FRYL: variants seen among roughly 807,000 people sequenced by gnomAD.
The protein encoded by FRYL is FRY like transcription coactivator, also known as protein furry homolog-like.
FRYL carries 150 observed loss-of-function variants against 351.2 expected under a neutral mutation model. The ratio of observed to expected loss-of-function variants is 0.43; its 90% CI spans 0.37 to 0.49. The LOEUF (loss-of-function observed/expected upper bound fraction) is 0.49, where lower values mean the gene tolerates loss of function less well. FRYL is among the 20% of genes least tolerant of loss of function. The pLI, the probability that FRYL is intolerant of heterozygous loss-of-function variation, is 0.00. For synonymous variants in FRYL, 1,153 were observed against 1,257.1 expected (o/e 0.92, Z 1.75); for missense variants, 3,036 against 3,619.3 (o/e 0.84, Z 4.13).
In FRYL at chr4:48,605,727, A is replaced by C. The variant is rs753427775; in HGVS notation, c.834+14T>G. On this transcript the variant is annotated intron_variant, in intron 11 of 63. Transcript: ENST00000358350. The stretch of plus-strand genomic sequence containing the variant: ...ATAACACACAAATGGTATGAAAATA[A>C]GAAAAATACTTACAGCAGCTACAGG... 6.6e-7 allele frequency: 1 copy of C among 1,524,764 alleles called. No individual in the cohort carries two copies. Among genetic ancestry groups the C allele is most frequent in the Middle Eastern group, 1.7e-4 (1 of 5,928 alleles). 94.5% of individuals were successfully genotyped at this position (1,524,764 alleles called of 1,614,324 possible). A position where few individuals can be genotyped will look rare whatever the true frequency, so the allele number is the denominator to read the frequency against.
At chr4:48,759,150 C>T (rs1174341816) in intron 1 of FRYL, among the ~76,000 whole-genome samples, 14 of 151,930 alleles carry the variant, frequency 9.2e-5, no homozygotes, top group South Asian at 4.2e-4. Flanking sequence ...TTAATGGGTG[C>T]GGCACACCAA....
intron 63 of FRYL, 112 bp from the exon 64 acceptor site, chr4:48,499,792 G>C (rs907285424): frequency 5.7e-6 from 6 of 1,059,850 alleles, no homozygotes; most frequent in African/African-American, 1.6e-5. Flanking sequence ...AACATGATCT[G>C]TTTTAATATT....
At chr4:48,767,962 A>C (rs746820550) in intron 1 of FRYL, among the ~76,000 whole-genome samples, 38 of 152,184 alleles carry the variant, frequency 2.5e-4, no homozygotes, top group Non-Finnish European at 4.7e-4. Context: ...CCTCTGATTG[A>C]TTTGGAGTCA....
Position 48,523,012 on chromosome 4 carries a change from C to T in FRYL, c.7410G>A (p.Gln2470=). The T allele has an allele frequency of 6.2e-7, 1 of 1,613,820 alleles. No homozygotes were observed. The highest frequency in any genetic ancestry group is 8.5e-7 in the Non-Finnish European group (1 of 1,179,782). ...KGDTPSLQEY[Q]CSSSTPSLNL... ...TCAGGCTGGGGGTGCTACTAGAGCA[C>T]TGGTACTCCTGGAGGGATGGAGTGT... Residue 2470 remains glutamine (Q), a synonymous_variant, in exon 54 of 64, where the codon CAG becomes CAA. Coordinates refer to ENST00000358350, the MANE Select transcript of FRYL (RefSeq NM_015030.2).
At chr4:48,500,504 G>A (rs1240190897) in intron 62 of FRYL, among the ~76,000 whole-genome samples, 4 of 152,104 alleles carry the variant, frequency 2.6e-5, no homozygotes, top group Non-Finnish European at 4.4e-5. Flanking sequence ...GATAGTAAAA[G>A]TACATTTACT....
chr4:48,770,237 G>A (rs1279915651), intron 1 of FRYL, among the ~76,000 whole-genome samples: 4 of 151,796 alleles, frequency 2.6e-5, no homozygotes, highest in Non-Finnish European at 2.9e-5. Flanking sequence ...TACTATTCTC[G>A]CAACTTCCCA....
chr4:48,559,012 C>T (rs1169095586), intron 33 of FRYL, among the ~76,000 whole-genome samples: 1 of 152,078 alleles, frequency 6.6e-6, no homozygotes, highest in Non-Finnish European at 1.5e-5. Context: ...GGTTTGAATC[C>T]CACAGATCTA....
intron 1 of FRYL, among the ~76,000 whole-genome samples, chr4:48,711,029 G>A (rs1176525721): frequency 1.3e-5 from 2 of 152,344 alleles, no homozygotes; most frequent in South Asian, 2.1e-4. Context: ...ATAAAGTACT[G>A]ATACATGCTA....
chr4:48,568,416 G>A (rs1737351516), intron 27 of FRYL, among the ~76,000 whole-genome samples: 2 of 152,172 alleles, frequency 1.3e-5, no homozygotes, highest in South Asian at 4.1e-4. Context: ...CTACTCCAGA[G>A]TGTTTTAGTA....
rs1158817495 is a variant in FRYL at position 48,510,040 on chromosome 4, A to G, written c.8394+19T>C. ...GTCAAGAGCAAACCACTTTTCGCAC[A>G]TGGTAAAAAGAGACTGACCTGCTCA... On this transcript the variant is annotated intron_variant, in intron 59 of 63. Coordinates refer to ENST00000358350, the MANE Select transcript of FRYL (RefSeq NM_015030.2). 3 of 1,570,382 alleles carry G rather than the reference A, an allele frequency of 1.9e-6. No homozygotes were observed. The highest frequency in any genetic ancestry group is 2.2e-5 in the East Asian group (1 of 44,676).
chr4:48,592,197 A>T (rs1743551568), intron 16 of FRYL, among the ~76,000 whole-genome samples: 1 of 150,728 alleles, frequency 6.6e-6, no homozygotes, highest in Non-Finnish European at 1.5e-5. Context: ...TAGTCTAAGT[A>T]TCAGATAGTC....
chr4:48,733,726 G>A (rs1770989594), intron 1 of FRYL, among the ~76,000 whole-genome samples: 1 of 151,926 alleles, frequency 6.6e-6, no homozygotes, highest in African/African-American at 2.4e-5. Flanking sequence ...TGGAGAGGAG[G>A]GAGAAATTAG....
At position 48,557,007 on chromosome 4, in the gene FRYL, C is replaced by A. The variant is rs749402281; in HGVS notation, c.4237G>T (p.Val1413Leu). The A allele has an allele frequency of 1.9e-6, 3 of 1,604,652 alleles. No homozygotes were observed. Among genetic ancestry groups the A allele is most frequent in the Non-Finnish European group, 2.6e-6 (3 of 1,174,690 alleles). Reference protein sequence around the residue: ...ILHFLISICGVNSEPSLLPYV... With the variant: ...ILHFLISICGLNSEPSLLPYV... ...GGCAAGAGGCTTGGTTCGCTATTCA[C>A]CCCACAAATGCTGATCAAAAAGTGC... Residue 1413 changes from valine (V) to leucine (L), a missense_variant, in exon 35 of 64, where the codon GTG becomes TTG. Val to Leu is a conservative substitution (Grantham distance 32, BLOSUM62 1). Transcript: ENST00000358350.
intron 3 of FRYL, among the ~76,000 whole-genome samples, chr4:48,676,559 T>C (rs1763719697): frequency 6.6e-6 from 1 of 151,766 alleles, no homozygotes; most frequent in Non-Finnish European, 1.5e-5. Context: ...TTTTTTTTTT[T>C]TTTTTGTATT....
chr4:48,610,287 C>T (rs1040207685), intron 7 of FRYL, among the ~76,000 whole-genome samples: 13 of 152,050 alleles, frequency 8.5e-5, no homozygotes, highest in African/African-American at 1.4e-4. Context: ...ATTAAAAACC[C>T]GACATTTAAA....
chr4:48,733,339 A>C (rs1454497077), intron 1 of FRYL, among the ~76,000 whole-genome samples: 2 of 151,822 alleles, frequency 1.3e-5, no homozygotes, highest in African/African-American at 4.8e-5. Context: ...TATCCTGTGA[A>C]ATTATCCTTC....
chr4:48,596,026 CTTA>C, intron 13 of FRYL, 26 bp from the exon 14 acceptor site: 1 of 1,435,986 alleles, frequency 7.0e-7, no homozygotes, highest in Non-Finnish European at 9.7e-7. Flanking sequence ...AGAGAATAAA[CTTA>C]TTATAATACT....
chr4:48,753,807 A>T (rs1476158998), intron 1 of FRYL, among the ~76,000 whole-genome samples: 1 of 152,158 alleles, frequency 6.6e-6, no homozygotes, highest in Non-Finnish European at 1.5e-5. Flanking sequence ...ATTTTTATGT[A>T]TGGTATGAGA....
intron 1 of FRYL, among the ~76,000 whole-genome samples, chr4:48,730,949 T>C (rs1232806997): frequency 2.0e-5 from 3 of 151,932 alleles, no homozygotes; most frequent in South Asian, 4.2e-4. Flanking sequence ...TCAAGACCCC[T>C]CAGTGTGCTA....
Sources: gnomAD v4.1 joint callset for allele counts (sites outside exome capture counted in the v4.1 genomes callset) on GRCh38, gnomAD v4.1.1 for gene constraint, MANE v1.5 for transcripts, NCBI Gene and HGNC (gene_info 2026-07-23, HGNC 2026-07-21) for gene names.